The following GRIK1 variants were observed in gnomAD, a reference collection of about 807,000 sequenced individuals.
GRIK1 encodes glutamate ionotropic receptor kainate type subunit 1, also known as glutamate receptor ionotropic, kainate 1.
Under a neutral mutation model 105.7 loss-of-function variants are expected in GRIK1, and 69 were observed. The observed-to-expected ratio is 0.65, with a 90% confidence interval of 0.54 to 0.80. GRIK1 has a LOEUF of 0.80. Among genes scored for constraint, GRIK1 ranks in the 30% least tolerant of loss-of-function variants. The probability of loss-of-function intolerance (pLI) is 0.00; values close to 1 mark genes in which losing one functional copy is unlikely to be tolerated. For missense variants in GRIK1, 1,109 were observed against 1,167.3 expected (o/e 0.95, Z 0.73); for synonymous variants, 438 against 431.3 (o/e 1.02, Z -0.19).
intron 7 of GRIK1, among the ~76,000 whole-genome samples, chr21:29,634,574 T>C (rs1019821371): frequency 4.6e-5 from 7 of 152,140 alleles, no homozygotes; most frequent in Non-Finnish European, 1.0e-4. Context: ...CACGGTGCTC[T>C]GAGGACACAA....
rs577180967 is a variant in GRIK1 at position 29,933,352 on chromosome 21, C to T, written c.118+6031G>A. ...GCAGTGGTGTTACTGGCCCATGTTG[C>T]CTCAAGTGTGCTCTGGGGAGCATGA... On this transcript the variant is annotated intron_variant, in intron 1 of 17. Transcript: ENST00000327783. Among the ~76,000 whole-genome samples the T allele has an allele frequency of 1.8e-3, 274 of 152,194 alleles. 1 individual carries two copies. The highest frequency in any genetic ancestry group is 3.4e-3 in the Middle Eastern group (1 of 294).
At chr21:29,775,523 G>C (rs1387239119) in intron 1 of GRIK1, among the ~76,000 whole-genome samples, 1 of 152,116 alleles carries the variant, frequency 6.6e-6, no homozygotes, top group Non-Finnish European at 1.5e-5. Context: ...ACAGTCCAGG[G>C]AGGCTCACCT....
In GRIK1 at chr21:29,838,762, C is replaced by A. The variant is rs546637670; in HGVS notation, c.118+100621G>T. On this transcript the variant is annotated intron_variant, in intron 1 of 17. Transcript: ENST00000327783. ...AAATTATTAAAGAATGTCCTGTAAT[C>A]TCTTGTAATAAAATAACAGTTACAA... Among the ~76,000 whole-genome samples, 4 of 152,266 alleles carry A rather than the reference C, an allele frequency of 2.6e-5. No homozygotes were observed. In the South Asian group the frequency reaches 6.2e-4, roughly 24 times the overall value.
chr21:29,749,433 T>C lies in GRIK1; in HGVS notation c.119-55370A>G, dbSNP rs141604073. 1.0e-3 allele frequency among the ~76,000 whole-genome samples: 155 copies of C among 152,326 alleles called. 1 individual carries two copies. The highest frequency in any genetic ancestry group is 8.4e-3 in the Admixed American group (128 of 15,292). On this transcript the variant is annotated intron_variant, in intron 1 of 17. Transcript: ENST00000327783. Reference sequence around the variant, plus strand: ...AATAGCCTTGGCCTCAGCATCTCCATCTGTGAAATGGGCTGAAGGGCTTGA... The same window carrying C: ...AATAGCCTTGGCCTCAGCATCTCCACCTGTGAAATGGGCTGAAGGGCTTGA...
At chr21:29,682,950 A>G (rs1322991353) in intron 3 of GRIK1, among the ~76,000 whole-genome samples, 1 of 152,060 alleles carries the variant, frequency 6.6e-6, no homozygotes, top group Non-Finnish European at 1.5e-5. Context: ...AAACCAAATA[A>G]CCCCATTAAA....
chr21:29,543,757 G>C (rs2090007931), intron 16 of GRIK1, among the ~76,000 whole-genome samples: 1 of 152,214 alleles, frequency 6.6e-6, no homozygotes, highest in Admixed American at 6.5e-5. Context: ...TCTAGCCACT[G>C]AAATAAAATG....
chr21:29,757,680 C>T (rs458461), intron 1 of GRIK1, among the ~76,000 whole-genome samples: 50,413 of 151,998 alleles, frequency 0.33, 9,277 homozygotes, highest in African/African-American at 0.51. Flanking sequence ...ATCAATTTTT[C>T]CCCCAGAGGA....
intron 1 of GRIK1, among the ~76,000 whole-genome samples, chr21:29,718,119 T>C (rs1203206488): frequency 6.6e-6 from 1 of 152,200 alleles, no homozygotes; most frequent in Non-Finnish European, 1.5e-5. Context: ...TGAGGCCTCC[T>C]GAGCCATGCT....
chr21:29,867,730 G>A (rs1228522423), intron 1 of GRIK1, among the ~76,000 whole-genome samples: 23 of 151,926 alleles, frequency 1.5e-4, no homozygotes, highest in Admixed American at 1.4e-3. Flanking sequence ...AGAAGCAGAG[G>A]TTGCAGTGAG....
intron 1 of GRIK1, among the ~76,000 whole-genome samples, chr21:29,696,759 A>T (rs914527985): frequency 9.8e-5 from 15 of 152,354 alleles, no homozygotes; most frequent in Admixed American, 8.5e-4. Flanking sequence ...TTCAGGCTGC[A>T]GGTATTTAGG....
At chr21:29,588,660 A>G (rs1188298840) in intron 11 of GRIK1, among the ~76,000 whole-genome samples, 179 bp downstream of exon 11, 1 of 152,196 alleles carries the variant, frequency 6.6e-6, no homozygotes, top group Non-Finnish European at 1.5e-5. Flanking sequence ...TTTTATCATT[A>G]ATTTTTATCT....
rs181231794 is a variant in GRIK1 at position 29,678,758 on chromosome 21, T to A, written c.545-5594A>T. Among the ~76,000 whole-genome samples, 486 of 152,312 alleles carry A rather than the reference T, an allele frequency of 3.2e-3. 4 individuals are homozygous for A. Among genetic ancestry groups the A allele is most frequent in the African/African-American group, 0.011 (465 of 41,556 alleles). ...GAGCACATAGCAGAAGAGTTTTAGC[T>A]ATCACAAGTGGTCATAATGACACAG... On this transcript the variant is annotated intron_variant, in intron 3 of 17. Transcript: ENST00000327783.
At chr21:29,856,051 G>A (rs1239986608) in intron 1 of GRIK1, among the ~76,000 whole-genome samples, 1 of 152,030 alleles carries the variant, frequency 6.6e-6, no homozygotes, top group Non-Finnish European at 1.5e-5. Context: ...TCAGTGTAGA[G>A]ATTCCAAGCT....
intron 1 of GRIK1, among the ~76,000 whole-genome samples, chr21:29,848,779 A>ATTTTTTTTTTTTTT (rs1555898508): frequency 2.6e-5 from 2 of 77,862 alleles, no homozygotes; most frequent in African/African-American, 1.2e-4. Flanking sequence ...ATATATATAT[A>ATTTTTTTTTTTTTT]TTTTTTTTTT....
Position 29,840,948 on chromosome 21 carries a change from C to T in GRIK1, c.118+98435G>A, listed in dbSNP as rs543292312. On this transcript the variant is annotated intron_variant, in intron 1 of 17. Coordinates refer to ENST00000327783, the MANE Select transcript of GRIK1 (RefSeq NM_001330994.2). Reference sequence around the variant, plus strand: ...GCTTGAAAAATAAATGGAAATTAGACATGGCTTAGCAACTGGATGATTACA... The same window carrying T: ...GCTTGAAAAATAAATGGAAATTAGATATGGCTTAGCAACTGGATGATTACA... 2.0e-5 allele frequency among the ~76,000 whole-genome samples: 3 copies of T among 152,206 alleles called. No individual in the cohort carries two copies. In the South Asian group the frequency reaches 6.2e-4, roughly 32 times the overall value.
intron 7 of GRIK1, among the ~76,000 whole-genome samples, chr21:29,601,470 A>G (rs1316960434): frequency 6.6e-6 from 1 of 152,194 alleles, no homozygotes; most frequent in Non-Finnish European, 1.5e-5. Context: ...GATAATACAG[A>G]GGTCTTTGAA....
At chr21:29,770,349 G>A (rs1004329170) in intron 1 of GRIK1, among the ~76,000 whole-genome samples, 1 of 152,210 alleles carries the variant, frequency 6.6e-6, no homozygotes, top group Non-Finnish European at 1.5e-5. Flanking sequence ...CTGATGCTCT[G>A]CTTCCTTCCA....
rs1306104207 is a variant in GRIK1, at chr21:29,867,803, A to AGAAAGAAAGAAAGAAT, written c.118+71564_118+71579dup. ...GAGTGAAACTATGTCGAAAGAAGAA[A>AGAAAGAAAGAAAGAAT]GAAAGAAAGAAAGAATGAAAGAAAG... is the stretch of plus-strand genomic sequence containing the variant. On this transcript the variant is annotated intron_variant, in intron 1 of 17. Coordinates refer to ENST00000327783, the MANE Select transcript of GRIK1 (RefSeq NM_001330994.2). Among the ~76,000 whole-genome samples, 9 of 144,348 alleles carry AGAAAGAAAGAAAGAAT rather than the reference A, an allele frequency of 6.2e-5. 3 individuals are homozygous for AGAAAGAAAGAAAGAAT. The Admixed American group carries it at 6.2e-4, about 10-fold the overall frequency. 94.7% of individuals were successfully genotyped at this position (144,348 alleles called of 152,430 possible).
At chr21:29,662,056 C>G (rs543174798) in intron 4 of GRIK1, among the ~76,000 whole-genome samples, 2 of 152,320 alleles carry the variant, frequency 1.3e-5, no homozygotes, top group East Asian at 3.9e-4. Context: ...AATTAAATAA[C>G]TGTACTATTT....
Sources: gnomAD v4.1 joint callset for allele counts (sites outside exome capture counted in the v4.1 genomes callset) on GRCh38, gnomAD v4.1.1 for gene constraint, MANE v1.5 for transcripts, NCBI Gene and HGNC (gene_info 2026-07-23, HGNC 2026-07-21) for gene names.